LPCAT1: variants seen among roughly 807,000 people sequenced by gnomAD.
LPCAT1 encodes lysophosphatidylcholine acyltransferase 1, also known as 1-acylglycerol-3-phosphate O-acyltransferase.
LPCAT1 carries 23 observed loss-of-function variants against 60.9 expected under a neutral mutation model. The observed-to-expected ratio is 0.38, with a 90% CI of 0.27 to 0.53. The LOEUF (loss-of-function observed/expected upper bound fraction) is 0.53, where lower values mean the gene tolerates loss of function less well. Among genes scored for constraint, LPCAT1 ranks in the 20% least tolerant of loss-of-function variants. LPCAT1 has a pLI of 0.82. For missense variants in LPCAT1, 622 were observed against 723.6 expected, an observed-to-expected ratio of 0.86 and a Z score of 1.61; for synonymous variants, 340 against 301.1, an observed-to-expected ratio of 1.13 and a Z score of -1.34.
intron 9 of LPCAT1, among the ~76,000 whole-genome samples, chr5:1,475,470 T>C (rs1734864983): frequency 6.6e-6 from 1 of 152,164 alleles, no homozygotes; most frequent in African/African-American, 2.4e-5. Context: ...CCGTCCTGGG[T>C]GGCACCTCTC....
In LPCAT1 at chr5:1,462,653, G is replaced by C. The variant is rs551341146; in HGVS notation, c.*998C>G. 2 of 152,388 alleles carry C rather than the reference G, an allele frequency of 1.3e-5. No homozygotes were observed. Among genetic ancestry groups the C allele is most frequent in the African/African-American group, 4.8e-5 (2 of 41,576 alleles). The allele number at this position is 152,388 out of a possible 1,614,324, so 9.4% of individuals were successfully genotyped here. A position where few individuals can be genotyped will look rare whatever the true frequency, so the allele number is the denominator to read the frequency against. On this transcript the variant is annotated 3_prime_UTR_variant, in exon 14 of 14. Transcript: ENST00000283415. ...CCATGGAAACCAGGGCTGACAGGAA[G>C]ATGCAGCCGCTTCCAGCAGGGACCT... is the stretch of plus-strand genomic sequence containing the variant.
At chr5:1,497,341 T>TG (rs1394573744) in intron 2 of LPCAT1, among the ~76,000 whole-genome samples, 1 of 151,884 alleles carries the variant, frequency 6.6e-6, no homozygotes, top group Admixed American at 6.5e-5. Context: ...TGGAGGTGGG[T>TG]GGGGGAAGCC....
chr5:1,498,497 C>T (rs1022700770), intron 2 of LPCAT1, among the ~76,000 whole-genome samples: 1 of 152,204 alleles, frequency 6.6e-6, no homozygotes. Flanking sequence ...CATTCACACA[C>T]ATACACAGAC....
chr5:1,489,714 CACTG>C (rs1178274338), intron 4 of LPCAT1, 28 bp downstream of exon 4: 1 of 1,472,176 alleles, frequency 6.8e-7, no homozygotes, highest in Non-Finnish European at 9.5e-7. Context: ...GGAATAAAAC[CACTG>C]AAACACAATC....
chr5:1,488,977 C>T (rs1459548881), intron 4 of LPCAT1, among the ~76,000 whole-genome samples: 3 of 152,252 alleles, frequency 2.0e-5, no homozygotes, highest in Non-Finnish European at 4.4e-5. Context: ...ATTCCTCTGA[C>T]TCACACTGGC....
Position 1,489,849 on chromosome 5 carries a change from T to C in LPCAT1, c.503A>G (p.Gln168Arg), listed in dbSNP as rs2126550437. 3 of 1,610,240 alleles carry C rather than the reference T, an allele frequency of 1.9e-6. No individual in the cohort carries two copies. Among genetic ancestry groups the C allele is most frequent in the Non-Finnish European group, 2.5e-6 (3 of 1,176,478 alleles). Residue 168 changes from glutamine (Q) to arginine (R), a missense_variant, in exon 4 of 14, where the codon CAG (glutamine) becomes CGG (arginine). Around this residue, in one of 3 missense-constraint regions of LPCAT1, gnomAD observed 209 missense variants for 325.5 expected, o/e 0.64. Coordinates refer to ENST00000283415, the MANE Select transcript of LPCAT1 (RefSeq NM_024830.5). Reference protein sequence around the residue: ...RDIPIWGTLIQYIRPVFVSRS... With the variant: ...RDIPIWGTLIRYIRPVFVSRS... ...GGACACGAACACAGGCCGTATATAC[T>C]GGATCAGAGCTGGAAGAGAGGAGGG...
rs553754665 is a variant in LPCAT1 at position 1,477,970 on chromosome 5, C to T, written c.817-484G>A. Among the ~76,000 whole-genome samples, 6 of 152,206 alleles carry T rather than the reference C, an allele frequency of 3.9e-5. No individual in the cohort carries two copies. Among genetic ancestry groups the T allele is most frequent in the East Asian group, 3.9e-4 (2 of 5,176 alleles). On this transcript the variant is annotated intron_variant, in intron 8 of 13. Coordinates refer to ENST00000283415, the MANE Select transcript of LPCAT1 (RefSeq NM_024830.5). This position sits in a 1 kb window ranked among gnomAD's most constrained non-coding sequence, Gnocchi z 6.0. ...TGGCTCTCTGATCTACACTCACCCC[C>T]GTCAGTGCTCCTAGGAGCTCCTGCT...
chr5:1,486,834 A>G (rs1679719533), intron 5 of LPCAT1, among the ~76,000 whole-genome samples: 2 of 152,316 alleles, frequency 1.3e-5, no homozygotes, highest in South Asian at 4.1e-4. Flanking sequence ...GGCTGGACCC[A>G]CTGGAAATGG....
At chr5:1,515,489 A>T (rs1320257583) in intron 1 of LPCAT1, among the ~76,000 whole-genome samples, 1 of 24,108 alleles carries the variant, frequency 4.1e-5, no homozygotes, top group Non-Finnish European at 8.2e-5. Flanking sequence ...CCCAAGTCCC[A>T]CCCCCAGCCT....
At position 1,483,878 on chromosome 5, in the gene LPCAT1, A is replaced by T. The variant is rs377274796; in HGVS notation, c.668-392T>A. On this transcript the variant is annotated intron_variant, in intron 5 of 13. Transcript: ENST00000283415. This position sits in a 1 kb window ranked among gnomAD's most constrained non-coding sequence, Gnocchi z 9.2. Reference sequence around the variant, plus strand: ...CGTCTGTGGAGGGACACTTGCTATTATAACATTGCGCACGAGCTGGAAGAC... The same window carrying T: ...CGTCTGTGGAGGGACACTTGCTATTTTAACATTGCGCACGAGCTGGAAGAC... 1.4e-5 allele frequency among the ~76,000 whole-genome samples: 2 copies of T among 147,386 alleles called. No individual in the cohort carries two copies. The highest frequency in any genetic ancestry group is 4.0e-4 in the East Asian group (2 of 4,940).
At position 1,514,614 on chromosome 5, in the gene LPCAT1, TACGCCGCCAGGC is replaced by T. The variant is rs529467384; in HGVS notation, c.135+9084_135+9095del. Among the ~76,000 whole-genome samples, 251 of 152,282 alleles carry T rather than the reference TACGCCGCCAGGC, an allele frequency of 1.6e-3. No individual in the cohort carries two copies. The Middle Eastern group carries it at 0.017, about 10-fold the overall frequency. On this transcript the variant is annotated intron_variant, in intron 1 of 13. Transcript: ENST00000283415. ...TAATTCCGAGGTTGGGAATGCACCC[TACGCCGCCAGGC>T]ACGCCGCCAGGCCGAGGTCTGCAGC...
chr5:1,466,570 C>T (rs993294181), intron 13 of LPCAT1, among the ~76,000 whole-genome samples, 179 bp downstream of exon 13: 40 of 152,178 alleles, frequency 2.6e-4, no homozygotes, highest in East Asian at 7.7e-4. Context: ...TCCCTACGAA[C>T]GCTGCCAGGT....
chr5:1,505,270 T>C (rs927688793), intron 1 of LPCAT1, among the ~76,000 whole-genome samples: 2 of 150,496 alleles, frequency 1.3e-5, no homozygotes, highest in Non-Finnish European at 2.9e-5. Context: ...TAACCCACGC[T>C]GTTCCTGAAA....
chr5:1,519,559 G>A (rs1225754818), intron 1 of LPCAT1, among the ~76,000 whole-genome samples: 1 of 152,238 alleles, frequency 6.6e-6, no homozygotes, highest in Non-Finnish European at 1.5e-5. Context: ...AGTTCCCTAA[G>A]GTCAGGGCTC....
chr5:1,516,211 C>T (rs369051586), intron 1 of LPCAT1, among the ~76,000 whole-genome samples: 8 of 152,220 alleles, frequency 5.3e-5, no homozygotes, highest in African/African-American at 9.6e-5. Context: ...ACAGGCGCCA[C>T]GTGGTCCTGG....
chr5:1,505,373 G>C (rs1235293975), intron 1 of LPCAT1, among the ~76,000 whole-genome samples: 1 of 151,134 alleles, frequency 6.6e-6, no homozygotes, highest in Admixed American at 6.6e-5. Context: ...CTGCAACACT[G>C]CTTCCACCAC....
At chr5:1,470,171 T>C (rs972948673) in intron 12 of LPCAT1, among the ~76,000 whole-genome samples, 4 of 152,252 alleles carry the variant, frequency 2.6e-5, no homozygotes, top group African/African-American at 9.6e-5. Context: ...GTTGTGCCTC[T>C]GTACAGGCAA....
rs560212515 is a variant in LPCAT1, at chr5:1,481,583, C to T, written c.727-607G>A. Reference sequence around the variant, plus strand: ...TGGGGTGGACCTTCTGCTCCCCTGACGGCTAAGCTAGTGCTTCTTGGTGCA... The same window carrying T: ...TGGGGTGGACCTTCTGCTCCCCTGATGGCTAAGCTAGTGCTTCTTGGTGCA... On this transcript the variant is annotated intron_variant, in intron 6 of 13. Coordinates refer to ENST00000283415, the MANE Select transcript of LPCAT1 (RefSeq NM_024830.5). The surrounding 1 kb of genome is among the most constrained non-coding windows in gnomAD (Gnocchi z 7.8). Among the ~76,000 whole-genome samples, 2 of 152,410 alleles carry T rather than the reference C, an allele frequency of 1.3e-5. No homozygotes were observed. The highest frequency in any genetic ancestry group is 2.9e-5 in the Non-Finnish European group (2 of 68,044).
At chr5:1,508,476 C>A (rs1281861458) in intron 1 of LPCAT1, among the ~76,000 whole-genome samples, 1 of 152,116 alleles carries the variant, frequency 6.6e-6, no homozygotes, top group Admixed American at 6.5e-5. Flanking sequence ...AGGACACAGA[C>A]ACCCAGGGAG....
Sources: gnomAD v4.1 joint callset for allele counts (sites outside exome capture counted in the v4.1 genomes callset) on GRCh38, gnomAD v4.1.1 for gene constraint, gnomAD v4.1.1 regional missense constraint, Gnocchi (gnomAD v3.1) non-coding constraint, MANE v1.5 for transcripts, NCBI Gene and HGNC (gene_info 2026-07-23, HGNC 2026-07-21) for gene names.